SLC26A4: variants seen among roughly 807,000 people sequenced by gnomAD.
The protein encoded by SLC26A4 is pendrin.
In SLC26A4, 93 loss-of-function variants were observed where a neutral mutation model predicts 90.4. The ratio of observed to expected loss-of-function variants is 1.03; its 90% CI spans 0.87 to 1.22. The LOEUF is 1.22. Among genes scored for constraint, SLC26A4 ranks in the 50% most tolerant of loss-of-function variants. SLC26A4 has a pLI of 0.00. For synonymous variants in SLC26A4, 393 were observed against 354.6 expected, an observed-to-expected ratio of 1.11 and a Z score of -1.22; for missense variants, 1,127 against 946.2, an observed-to-expected ratio of 1.19 and a Z score of -2.51.
intron 10 of SLC26A4, among the ~76,000 whole-genome samples, chr7:107,692,471 C>T (rs1212483368): frequency 2.0e-5 from 3 of 152,188 alleles, no homozygotes; most frequent in Non-Finnish European, 4.4e-5. Flanking sequence ...AAAGCCTTAG[C>T]ACATACTTGT....
intron 18 of SLC26A4, among the ~76,000 whole-genome samples, chr7:107,709,639 A>G (rs1323286780): frequency 1.3e-5 from 2 of 152,196 alleles, no homozygotes; most frequent in Non-Finnish European, 2.9e-5. Flanking sequence ...CCACAGCAGC[A>G]GGAGGATGGA....
chr7:107,681,314 C>G (rs929638376), intron 6 of SLC26A4, among the ~76,000 whole-genome samples: 5 of 152,046 alleles, frequency 3.3e-5, no homozygotes, highest in Non-Finnish European at 5.9e-5. Context: ...GCTTCTCCCC[C>G]ATTTCCTTAC....
intron 19 of SLC26A4, 73 bp downstream of exon 19, chr7:107,710,272 C>A: frequency 9.1e-7 from 1 of 1,101,858 alleles, no homozygotes; most frequent in Non-Finnish European, 1.4e-6. Flanking sequence ...AAACATTACA[C>A]AAGTCTAGTC....
chr7:107,686,923 T>A (rs1187922731), intron 8 of SLC26A4, among the ~76,000 whole-genome samples: 1 of 152,216 alleles, frequency 6.6e-6, no homozygotes, highest in Non-Finnish European at 1.5e-5. Flanking sequence ...CTTGAAAGTG[T>A]GGCACAGGGG....
chr7:107,674,334 G>T lies in SLC26A4; in HGVS notation c.586G>T (p.Val196Phe), dbSNP rs1367866295. 1 of 1,612,552 alleles carries T rather than the reference G, an allele frequency of 6.2e-7. No homozygotes were observed. Among genetic ancestry groups the T allele is most frequent in the Non-Finnish European group, 8.5e-7 (1 of 1,178,532 alleles). Reference protein sequence around the residue: ...VLIASALTLLVGIIQLIFGGL... With the variant: ...VLIASALTLLFGIIQLIFGGL... ...GATTGCCAGTGCCCTGACTCTGCTG[G>T]TTGGAATTATACAGGTAATGAACTT... The change falls in exon 5 of 21, where the codon GTT (valine) becomes TTT (phenylalanine). Residue 196 changes from valine (V) to phenylalanine (F), a missense_variant. Coordinates refer to ENST00000644269, the MANE Select transcript of SLC26A4 (RefSeq NM_000441.2).
intron 9 of SLC26A4, among the ~76,000 whole-genome samples, 171 bp from the exon 10 acceptor site, chr7:107,689,953 C>T (rs144837860): frequency 1.4e-3 from 215 of 152,312 alleles, no homozygotes; most frequent in African/African-American, 4.6e-3. Context: ...GGCGTCCAAA[C>T]TCCTGATGTC....
intron 13 of SLC26A4, among the ~76,000 whole-genome samples, chr7:107,696,240 A>G (rs1791739993): frequency 6.6e-6 from 1 of 152,248 alleles, no homozygotes. Flanking sequence ...GATTAGTCTC[A>G]TTCTACAGGT....
chr7:107,700,092 C>T lies in SLC26A4; in HGVS notation c.1624C>T (p.Pro542Ser), dbSNP rs769038223. The T allele has an allele frequency of 6.5e-7, 1 of 1,550,088 alleles. No individual in the cohort carries two copies. Among genetic ancestry groups the T allele is most frequent in the Non-Finnish European group, 8.9e-7 (1 of 1,121,656 alleles). Residue 542 changes from proline (P) to serine (S), a missense_variant, in exon 15 of 21, where the codon CCT (proline) becomes TCT (serine). By Grantham distance (74) the Pro-to-Ser change is moderately conservative (BLOSUM62 -1). Transcript: ENST00000644269. ...TTTCTTTTAATGCCAGATTGAAGAA[C>T]CTCAAGGAGTGAAGATTCTTAGATT... ...STKNYKNIEE[P>S]QGVKILRFSS...
intron 6 of SLC26A4, among the ~76,000 whole-genome samples, chr7:107,682,782 G>C (rs1409511113): frequency 6.6e-6 from 1 of 151,938 alleles, no homozygotes; most frequent in Non-Finnish European, 1.5e-5. Flanking sequence ...TAAAAATCAG[G>C]CTACTTGATA....
intron 17 of SLC26A4, among the ~76,000 whole-genome samples, chr7:107,703,782 G>A (rs1485322106): frequency 6.6e-6 from 1 of 152,132 alleles, no homozygotes; most frequent in Non-Finnish European, 1.5e-5. Flanking sequence ...TATGGGTCTT[G>A]TGTCTTGACT....
In SLC26A4 at chr7:107,715,523, T is replaced by C; in HGVS notation, c.*77T>C. On this transcript the variant is annotated 3_prime_UTR_variant, in exon 21 of 21. Coordinates refer to ENST00000644269, the MANE Select transcript of SLC26A4 (RefSeq NM_000441.2). Reference sequence around the variant, plus strand: ...CAATGCATTGACTATTTCTTCAGACTCAAAACACTCATTCTTTTTTCTATT... The same window carrying C: ...CAATGCATTGACTATTTCTTCAGACCCAAAACACTCATTCTTTTTTCTATT... The C allele has an allele frequency of 3.0e-6, 3 of 1,013,692 alleles. No individual in the cohort carries two copies. In the Admixed American group the frequency reaches 5.1e-5, roughly 17 times the overall value. The allele number at this position is 1,013,692 out of a possible 1,614,324, so 62.8% of individuals were successfully genotyped here.
chr7:107,672,947 G>C (rs1217872224), intron 4 of SLC26A4, among the ~76,000 whole-genome samples: 1 of 152,184 alleles, frequency 6.6e-6, no homozygotes, highest in Non-Finnish European at 1.5e-5. Context: ...GGCTAGACAT[G>C]TCTACCTCGA....
chr7:107,675,055 G>A lies in SLC26A4; in HGVS notation c.711G>A (p.Lys237=), dbSNP rs1790984032. 3 of 1,614,076 alleles carry A rather than the reference G, an allele frequency of 1.9e-6. No homozygotes were observed. The highest frequency in any genetic ancestry group is 2.5e-6 in the Non-Finnish European group (3 of 1,179,952). ...AAFQVLVSQL[K]IVLNVSTKNY... ...TCCAAGTGCTGGTCTCACAGCTAAAGATTGTCCTCAATGTTTCAACCAAAA... is the reference window on the plus strand; with the variant it reads ...TCCAAGTGCTGGTCTCACAGCTAAAAATTGTCCTCAATGTTTCAACCAAAA... The change falls in exon 6 of 21, where the codon AAG becomes AAA. Residue 237 remains lysine (K), a synonymous_variant. Transcript: ENST00000644269.
intron 3 of SLC26A4, among the ~76,000 whole-genome samples, chr7:107,667,265 G>C (rs1562820467): frequency 6.6e-6 from 1 of 151,894 alleles, no homozygotes; most frequent in African/African-American, 2.4e-5. Context: ...TGCTGAAGAG[G>C]TGATATTTAC....
intron 20 of SLC26A4, among the ~76,000 whole-genome samples, chr7:107,712,937 A>G (rs1792233115): frequency 6.6e-6 from 1 of 152,210 alleles, no homozygotes; most frequent in African/African-American, 2.4e-5. Flanking sequence ...TAGGAAAAAA[A>G]TGAATAGAGG....
At chr7:107,672,878 G>A (rs1259132539) in intron 4 of SLC26A4, among the ~76,000 whole-genome samples, 1 of 152,164 alleles carries the variant, frequency 6.6e-6, no homozygotes, top group African/African-American at 2.4e-5. Context: ...GTGTTTTAAT[G>A]CTATTTTGTG....
At chr7:107,698,838 G>A (rs1791812985) in intron 14 of SLC26A4, among the ~76,000 whole-genome samples, 1 of 152,028 alleles carries the variant, frequency 6.6e-6, no homozygotes. Context: ...AATAAAATAT[G>A]ACACAGGAAA....
chr7:107,712,492 G>C (rs2129320396), intron 19 of SLC26A4, 47 bp from the exon 20 acceptor site: 6 of 913,862 alleles, frequency 6.6e-6, no homozygotes, highest in Non-Finnish European at 1.1e-5. Context: ...TGGAGCATCA[G>C]GTGGGTTGAT....
intron 14 of SLC26A4, among the ~76,000 whole-genome samples, chr7:107,699,072 A>G (rs1246092340): frequency 6.6e-6 from 1 of 152,220 alleles, no homozygotes; most frequent in Non-Finnish European, 1.5e-5. Context: ...GGATTTCAGT[A>G]GCTGCTACTT....
Sources: allele counts gnomAD v4.1 joint callset (sites outside exome capture counted in the v4.1 genomes callset), GRCh38; gene constraint gnomAD v4.1.1; transcripts MANE v1.5; gene names NCBI Gene and HGNC (gene_info 2026-07-23, HGNC 2026-07-21).